DOT1L: variants seen among roughly 807,000 people sequenced by gnomAD.
The protein encoded by DOT1L is histone-lysine N-methyltransferase, H3 lysine-79 specific.
Under a neutral mutation model 153.3 loss-of-function variants are expected in DOT1L, and 33 were observed. The ratio of observed to expected loss-of-function variants is 0.22; its 90% CI spans 0.16 to 0.29. The LOEUF (loss-of-function observed/expected upper bound fraction) is 0.29, where lower values mean the gene tolerates loss of function less well. DOT1L is among the 10% of genes least tolerant of loss of function. The probability of loss-of-function intolerance (pLI) is 1.00; values close to 1 mark genes in which losing one functional copy is unlikely to be tolerated. For missense variants in DOT1L, 1,847 were observed against 2,119.9 expected (o/e 0.87, Z 2.53); for synonymous variants, 1,135 against 965.1 (o/e 1.18, Z -3.26).
chr19:2,227,355 G>A, intron 27 of DOT1L: 1 of 734,058 alleles, frequency 1.4e-6, no homozygotes, highest in Admixed American at 2.0e-5. Flanking sequence ...CGTCCCTCTT[G>A]TTTTCAGAAG....
chr19:2,194,476 T>C, intron 6 of DOT1L, 39 bp from the exon 7 acceptor site: 1 of 1,611,848 alleles, frequency 6.2e-7, no homozygotes, highest in Non-Finnish European at 8.5e-7. Context: ...TGGCTTGCCC[T>C]GAGAGTTTGT....
chr19:2,184,426 G>T (rs1306684950), intron 2 of DOT1L, among the ~76,000 whole-genome samples: 1 of 152,078 alleles, frequency 6.6e-6, no homozygotes, highest in Non-Finnish European at 1.5e-5. Context: ...TCAGGTCCTG[G>T]CCAGCTGGTT....
intron 8 of DOT1L, among the ~76,000 whole-genome samples, chr19:2,202,384 C>T (rs547812966): frequency 8.7e-4 from 133 of 152,388 alleles, no homozygotes; most frequent in Admixed American, 1.6e-3. Context: ...CCTGTGGGTA[C>T]TTCACGGCTG....
In DOT1L at chr19:2,226,674, C is replaced by T. The variant is rs761864765; in HGVS notation, c.4153C>T (p.Arg1385Cys). The T allele has an allele frequency of 8.2e-6, 13 of 1,578,220 alleles. No individual in the cohort carries two copies. The highest frequency in any genetic ancestry group is 6.8e-5 in the South Asian group (6 of 87,944). ...GLAGLKGEGS[R>C]GKEAGEGGLP... ...GGCTGGGCTGAAGGGCGAGGGCAGC[C>T]GCGGCAAGGAGGCAGGGGAGGGCGG... is the stretch of plus-strand genomic sequence containing the variant. The change falls in exon 27 of 28, where the codon CGC becomes TGC. Residue 1385 changes from arginine to cysteine, a missense_variant. Around this residue, in one of 8 missense-constraint regions of DOT1L, gnomAD observed 934 missense variants for 825.3 expected, o/e 1.13. Coordinates refer to ENST00000398665, the MANE Select transcript of DOT1L (RefSeq NM_032482.3).
rs1239465638 is a variant in DOT1L at position 2,220,901 on chromosome 19, C to T, written c.2806+679C>T. The T allele has an allele frequency of 7.6e-6, 2 of 263,216 alleles. No homozygotes were observed. Among genetic ancestry groups the T allele is most frequent in the South Asian group, 3.8e-5 (1 of 26,102 alleles). 16.3% of individuals were successfully genotyped at this position (263,216 alleles called of 1,614,324 possible). On this transcript the variant is annotated intron_variant, in intron 23 of 27. Coordinates refer to ENST00000398665, the MANE Select transcript of DOT1L (RefSeq NM_032482.3). The surrounding 1 kb of genome is among the most constrained non-coding windows in gnomAD (Gnocchi z 4.5). ...GAGTAAAAAGTAAAATGTGGCCGGG[C>T]GTGGTGGCTCATGCCTGTAATCCCA... is the stretch of plus-strand genomic sequence containing the variant.
In DOT1L at chr19:2,166,803, T is replaced by C. The variant is rs1463738115; in HGVS notation, c.81+2538T>C. Reference sequence around the variant, plus strand: ...GTTCTATACGTTTTGACAAACTCATTGGGTGGTGCCCTGACCAGTGCTGCC... The same window carrying C: ...GTTCTATACGTTTTGACAAACTCATCGGGTGGTGCCCTGACCAGTGCTGCC... On this transcript the variant is annotated intron_variant, in intron 1 of 27. Coordinates refer to ENST00000398665, the MANE Select transcript of DOT1L (RefSeq NM_032482.3). 4.6e-5 allele frequency among the ~76,000 whole-genome samples: 7 copies of C among 152,186 alleles called. 1 individual carries two copies. In the South Asian group the frequency reaches 8.3e-4, roughly 18 times the overall value.
rs1418360243 is a variant in DOT1L, at chr19:2,222,565, G to T, written c.3390+6G>T. 3 of 1,533,436 alleles carry T rather than the reference G, an allele frequency of 2.0e-6. No homozygotes were observed. Among genetic ancestry groups the T allele is most frequent in the Non-Finnish European group, 2.6e-6 (3 of 1,144,446 alleles). 95.0% of individuals were successfully genotyped at this position (1,533,436 alleles called of 1,614,324 possible). The stretch of plus-strand genomic sequence containing the variant: ...CCCTCAACCTCAACTCCATGGTAAG[G>T]ATGGGGACCGGCAGGGCTGGGGAGC... On this transcript the variant is annotated splice_donor_region_variant and intron_variant, in intron 24 of 27. Coordinates refer to ENST00000398665, the MANE Select transcript of DOT1L (RefSeq NM_032482.3). This position sits in a 1 kb window ranked among gnomAD's most constrained non-coding sequence, Gnocchi z 6.5.
rs776300071 is a variant in DOT1L, at chr19:2,226,766, C to T, written c.4245C>T (p.Asp1415=). The change falls in exon 27 of 28, where the codon GAC becomes GAT. Residue 1415 remains aspartate, a synonymous_variant. Transcript: ENST00000398665. Reference sequence around the variant, plus strand: ...GCGGCAAGGCCGCCAAGGCCCGGGACCGCGAGGTCGACCTCAAGAATGGCC... The same window carrying T: ...GCGGCAAGGCCGCCAAGGCCCGGGATCGCGAGGTCGACCTCAAGAATGGCC... ...LLSGKAAKAR[D]REVDLKNGHN... 6.4e-6 allele frequency: 10 copies of T among 1,567,756 alleles called. No individual in the cohort carries two copies. Among genetic ancestry groups the T allele is most frequent in the East Asian group, 2.3e-5 (1 of 43,926 alleles).
In DOT1L at chr19:2,207,201, G is replaced by C. The variant is rs764053390; in HGVS notation, c.857-373G>C. Among the ~76,000 whole-genome samples the C allele has an allele frequency of 6.6e-6, 1 of 152,216 alleles. No individual in the cohort carries two copies. Among genetic ancestry groups the C allele is most frequent in the Non-Finnish European group, 1.5e-5 (1 of 68,034 alleles). The stretch of plus-strand genomic sequence containing the variant: ...GTGCTCTGTCAGCTCCCAGCCTTGC[G>C]GGGCAGCACGGCCTCCTCTGAGGGG... On this transcript the variant is annotated intron_variant, in intron 10 of 27. Coordinates refer to ENST00000398665, the MANE Select transcript of DOT1L (RefSeq NM_032482.3). This position sits in a 1 kb window ranked among gnomAD's most constrained non-coding sequence, Gnocchi z 4.5.
In DOT1L at chr19:2,207,815, C is replaced by G. The variant is rs112884822; in HGVS notation, c.963+135C>G. 4.3e-3 allele frequency: 3,447 copies of G among 796,516 alleles called. 72 individuals are homozygous for G. The African/African-American group carries it at 0.051, about 12-fold the overall frequency. The allele number at this position is 796,516 out of a possible 1,614,324, so 49.3% of individuals were successfully genotyped here. A position where few individuals can be genotyped will look rare whatever the true frequency, so the allele number is the denominator to read the frequency against. ...CCCTCAACGCCCCCCGGCCCCTGAG[C>G]TCAGGCCCAGCTCCTCAAGGCCCCT... On this transcript the variant is annotated intron_variant, in intron 11 of 27. Transcript: ENST00000398665. This position sits in a 1 kb window ranked among gnomAD's most constrained non-coding sequence, Gnocchi z 4.5.
intron 3 of DOT1L, among the ~76,000 whole-genome samples, chr19:2,186,156 A>C (rs1243605527): frequency 6.6e-6 from 1 of 152,270 alleles, no homozygotes; most frequent in African/African-American, 2.4e-5. Context: ...CCGGTTGTGG[A>C]AAGTGGGATT....
At chr19:2,215,862 A>T (rs2023878735) in intron 19 of DOT1L, 1 of 161,552 alleles carries the variant, frequency 6.2e-6, no homozygotes, top group Non-Finnish European at 1.3e-5. Context: ...GTTAAAAGAA[A>T]GGAAAGCAGG....
At chr19:2,168,988 T>G (rs1253686153) in intron 1 of DOT1L, among the ~76,000 whole-genome samples, 1 of 152,148 alleles carries the variant, frequency 6.6e-6, no homozygotes, top group African/African-American at 2.4e-5. Context: ...TTATTGGTTG[T>G]TTGCTCGGAA....
Position 2,222,622 on chromosome 19 carries a change from C to G in DOT1L, c.3390+63C>G. On this transcript the variant is annotated intron_variant, in intron 24 of 27. Coordinates refer to ENST00000398665, the MANE Select transcript of DOT1L (RefSeq NM_032482.3). This position sits in a 1 kb window ranked among gnomAD's most constrained non-coding sequence, Gnocchi z 6.5. ...TGTGAAAGAAAGACCAGAGGGAGAC[C>G]GGGCGCGGTGGCTCACGCCTGTAAT... The G allele has an allele frequency of 2.1e-6, 3 of 1,441,638 alleles. No homozygotes were observed. The highest frequency in any genetic ancestry group is 2.5e-5 in the Admixed American group (1 of 39,228). 89.3% of individuals were successfully genotyped at this position (1,441,638 alleles called of 1,614,324 possible). A position where few individuals can be genotyped will look rare whatever the true frequency, so the allele number is the denominator to read the frequency against.
intron 7 of DOT1L, among the ~76,000 whole-genome samples, chr19:2,198,869 G>A (rs1706541886): frequency 6.6e-6 from 1 of 152,156 alleles, no homozygotes; most frequent in Admixed American, 6.5e-5. Context: ...CATCCGCGAT[G>A]TGGCCTGGGT....
At position 2,222,151 on chromosome 19, in the gene DOT1L, C is replaced by T. The variant is rs1006406530; in HGVS notation, c.2982C>T (p.Pro994=). The stretch of plus-strand genomic sequence containing the variant: ...AGCACCCCCTGCTGCTGGCACAGCC[C>T]CGGAACTCGCTTCCTGCCTCTCCCG... ...TPQHPLLLAQ[P]RNSLPASPAH... The change falls in exon 24 of 28, where the codon CCC becomes CCT. Residue 994 remains proline (P), a synonymous_variant. Coordinates refer to ENST00000398665, the MANE Select transcript of DOT1L (RefSeq NM_032482.3). The surrounding 1 kb of genome is among the most constrained non-coding windows in gnomAD (Gnocchi z 6.5). 8 of 1,613,100 alleles carry T rather than the reference C, an allele frequency of 5.0e-6. No homozygotes were observed. The highest frequency in any genetic ancestry group is 1.1e-5 in the South Asian group (1 of 91,074).
chr19:2,167,587 C>T (rs750409369), intron 1 of DOT1L, among the ~76,000 whole-genome samples: 12 of 152,264 alleles, frequency 7.9e-5, no homozygotes, highest in Non-Finnish European at 1.6e-4. Context: ...GGTTGGCCCA[C>T]TGCCGGGCCC....
intron 7 of DOT1L, among the ~76,000 whole-genome samples, chr19:2,195,704 GGAC>G (rs1051841276): frequency 2.0e-5 from 3 of 152,184 alleles, no homozygotes; most frequent in South Asian, 2.1e-4. Context: ...CACCCTGGGA[GGAC>G]GATGGCACAG....
chr19:2,211,294 G>A (rs865928230), intron 15 of DOT1L, 82 bp downstream of exon 15: 191 of 1,261,534 alleles, frequency 1.5e-4, no homozygotes, highest in Middle Eastern at 9.6e-4. Flanking sequence ...CGCTGACCTC[G>A]CAGCAGCCCC....
Sources: gnomAD v4.1 joint callset for allele counts (sites outside exome capture counted in the v4.1 genomes callset) on GRCh38, gnomAD v4.1.1 for gene constraint, gnomAD v4.1.1 regional missense constraint, Gnocchi (gnomAD v3.1) non-coding constraint, MANE v1.5 for transcripts, NCBI Gene and HGNC (gene_info 2026-07-23, HGNC 2026-07-21) for gene names.